The following ADAMTSL1 variants were observed in gnomAD, a reference collection of about 807,000 sequenced individuals.
The protein encoded by ADAMTSL1 is ADAMTS-like protein 1.
Under a neutral mutation model 201.8 loss-of-function variants are expected in ADAMTSL1, and 126 were observed. That is an observed-to-expected ratio of 0.62 (90% confidence interval 0.54 to 0.72). ADAMTSL1 has a LOEUF of 0.72. ADAMTSL1 is among the 30% of genes least tolerant of loss of function. The pLI is 0.00. For synonymous variants in ADAMTSL1, 1,121 were observed against 903.4 expected (o/e 1.24, Z -4.32); for missense variants, 2,679 against 2,277.8 (o/e 1.18, Z -3.59).
intron 26 of ADAMTSL1, among the ~76,000 whole-genome samples, chr9:18,903,797 T>C (rs527580098): frequency 1.3e-5 from 2 of 150,688 alleles, no homozygotes; most frequent in Non-Finnish European, 2.9e-5. Context: ...AACCCGCATA[T>C]ACAAAAAGTT....
intron 2 of ADAMTSL1, among the ~76,000 whole-genome samples, chr9:18,400,835 C>T (rs961092163): frequency 1.3e-5 from 2 of 152,164 alleles, no homozygotes; most frequent in Non-Finnish European, 2.9e-5. Context: ...CGTGCCATGA[C>T]ATTAGGTGAT....
Position 18,366,627 on chromosome 9 carries a change from ATTTTTTTTTTTTTT to A in ADAMTSL1, c.208-138175_208-138162del, listed in dbSNP as rs772034324. 8.3e-4 allele frequency among the ~76,000 whole-genome samples: 94 copies of A among 112,810 alleles called. 2 individuals are homozygous for A. The highest frequency in any genetic ancestry group is 2.9e-3 in the African/African-American group (85 of 29,078). 74.0% of individuals were successfully genotyped at this position (112,810 alleles called of 152,430 possible). The stretch of plus-strand genomic sequence containing the variant: ...ATGGATAGTGCCTCTGAAATCACTA[ATTTTTTTTTTTTTT>A]TTTTTTTTTTTTTTTTTTTTTTTTT... On this transcript the variant is annotated intron_variant, in intron 2 of 29. Coordinates refer to the ADAMTSL1 transcript ENST00000680146.
chr9:18,390,199 A>G (rs185761940), intron 2 of ADAMTSL1, among the ~76,000 whole-genome samples: 213 of 152,280 alleles, frequency 1.4e-3, no homozygotes, highest in African/African-American at 5.0e-3. Flanking sequence ...GGAGTTACTT[A>G]CGAGATTCGT....
chr9:18,236,450 C>T (rs373013928), intron 2 of ADAMTSL1, among the ~76,000 whole-genome samples: 9 of 152,306 alleles, frequency 5.9e-5, no homozygotes, highest in African/African-American at 9.6e-5. Context: ...TTCCGGGACC[C>T]AGTTGAGTAT....
At chr9:18,176,439 T>C (rs544494716) in intron 2 of ADAMTSL1, among the ~76,000 whole-genome samples, 1 of 152,214 alleles carries the variant, frequency 6.6e-6, no homozygotes, top group Admixed American at 6.5e-5. Flanking sequence ...ATAATTATAG[T>C]TATTGACTAT....
intron 18 of ADAMTSL1, 54 bp downstream of exon 18, chr9:18,775,950 T>G: frequency 1.3e-6 from 2 of 1,554,482 alleles, no homozygotes; most frequent in Non-Finnish European, 1.7e-6. Context: ...CAGCAGCAGC[T>G]ATAGCCACCA....
At chr9:18,481,578 T>C (rs1325868224) in intron 1 of ADAMTSL1, among the ~76,000 whole-genome samples, 1 of 152,122 alleles carries the variant, frequency 6.6e-6, no homozygotes, top group Non-Finnish European at 1.5e-5. Flanking sequence ...TTATTTTCAA[T>C]TTCCCCACAA....
rs193151479 is a variant in ADAMTSL1, at chr9:18,746,303, G to C, written c.2007-6995G>C. On this transcript the variant is annotated intron_variant, in intron 15 of 28. Transcript: ENST00000380548. ...GCATCCTGAAGGGAGATGCATCCTA[G>C]ACCCTGTACGTGCCCCTCCTTAGGC... is the stretch of plus-strand genomic sequence containing the variant. Among the ~76,000 whole-genome samples the C allele has an allele frequency of 1.1e-3, 162 of 152,306 alleles. 2 individuals are homozygous for C. Among genetic ancestry groups the C allele is most frequent in the Non-Finnish European group, 1.8e-4 (12 of 68,024 alleles).
intron 2 of ADAMTSL1, among the ~76,000 whole-genome samples, chr9:18,320,512 A>T (rs973764211): frequency 6.6e-6 from 1 of 152,242 alleles, no homozygotes; most frequent in Non-Finnish European, 1.5e-5. Context: ...ACAACTGCTA[A>T]AAGAGTTCTT....
In ADAMTSL1 at chr9:18,000,174, C is replaced by T. The variant is rs1403297717; in HGVS notation, c.87+93252C>T. ...TTCTAGTTCTAGATCCCTGAGGAAT[C>T]GCCACACTGACTTCCACAATGGTTG... On this transcript the variant is annotated intron_variant, in intron 1 of 29. Transcript: ENST00000680146. Among the ~76,000 whole-genome samples, 10 of 150,606 alleles carry T rather than the reference C, an allele frequency of 6.6e-5. No homozygotes were observed. In the East Asian group the frequency reaches 7.9e-4, roughly 12 times the overall value.
rs866180742 is a variant in ADAMTSL1, at chr9:18,316,221, C to T, written c.207+152240C>T. 3.9e-5 allele frequency among the ~76,000 whole-genome samples: 6 copies of T among 152,008 alleles called. No individual in the cohort carries two copies. The South Asian group carries it at 8.4e-4, about 21-fold the overall frequency. ...GGGCAAGATCACAGGACCACAGGACCGGGGCGAAATTAAAATTGCTAATGA... is the reference window on the plus strand; with the variant it reads ...GGGCAAGATCACAGGACCACAGGACTGGGGCGAAATTAAAATTGCTAATGA... On this transcript the variant is annotated intron_variant, in intron 2 of 29. Coordinates refer to the ADAMTSL1 transcript ENST00000680146.
At chr9:18,353,148 G>A (rs181768485) in intron 2 of ADAMTSL1, among the ~76,000 whole-genome samples, 28 of 152,302 alleles carry the variant, frequency 1.8e-4, no homozygotes, top group African/African-American at 6.7e-4. Flanking sequence ...CAGGGCACAA[G>A]GGAGGCCCTG....
intron 1 of ADAMTSL1, among the ~76,000 whole-genome samples, chr9:18,008,152 T>C (rs1206375479): frequency 2.0e-5 from 3 of 152,028 alleles, no homozygotes; most frequent in Non-Finnish European, 4.4e-5. Context: ...CCATTAGAGC[T>C]TCTCAATTTT....
intron 4 of ADAMTSL1, among the ~76,000 whole-genome samples, chr9:18,592,024 G>A (rs889519881): frequency 1.3e-5 from 2 of 152,128 alleles, no homozygotes; most frequent in African/African-American, 2.4e-5. Context: ...GAAAAATTGG[G>A]CCCTTTCTGT....
chr9:17,947,197 A>T (rs553527464), intron 1 of ADAMTSL1, among the ~76,000 whole-genome samples: 1 of 151,162 alleles, frequency 6.6e-6, no homozygotes, highest in African/African-American at 2.4e-5. Context: ...ACTTACATAT[A>T]TAAAGTAATT....
rs556212211 is a variant in ADAMTSL1, at chr9:18,037,775, A to C, written c.88-126087A>C. Among the ~76,000 whole-genome samples, 232 of 152,302 alleles carry C rather than the reference A, an allele frequency of 1.5e-3. No homozygotes were observed. In the South Asian group the frequency reaches 0.016, roughly 11 times the overall value. On this transcript the variant is annotated intron_variant, in intron 1 of 29. Coordinates refer to the ADAMTSL1 transcript ENST00000680146. ...TAACTTCTTACGTGAGTGAAGTAAA[A>C]TTGTTCCATATAAGAGAAATGCATC... is the stretch of plus-strand genomic sequence containing the variant.
In ADAMTSL1 at chr9:17,929,292, T is replaced by C. The variant is rs191484897; in HGVS notation, c.87+22370T>C. ...TTTCGTTATCACCTCCCAAAAAAGC[T>C]TTTTTAGACATTTTATCCTAATCCA... On this transcript the variant is annotated intron_variant, in intron 1 of 29. Transcript: ENST00000680146. 4.8e-3 allele frequency among the ~76,000 whole-genome samples: 724 copies of C among 152,148 alleles called. 5 individuals carry two copies. The highest frequency in any genetic ancestry group is 0.017 in the African/African-American group (691 of 41,506).
At chr9:18,862,807 G>T (rs1827291395) in intron 23 of ADAMTSL1, among the ~76,000 whole-genome samples, 1 of 152,152 alleles carries the variant, frequency 6.6e-6, no homozygotes, top group African/African-American at 2.4e-5. Flanking sequence ...TGCAGGCCAG[G>T]TGGCACCTGC....
intron 1 of ADAMTSL1, among the ~76,000 whole-genome samples, chr9:18,025,738 C>CT (rs1489456671): frequency 1.3e-5 from 2 of 151,704 alleles, no homozygotes; most frequent in Non-Finnish European, 2.9e-5. Context: ...TTTTGGGTCT[C>CT]TTTTTTTGGT....
Sources: allele counts gnomAD v4.1 joint callset (sites outside exome capture counted in the v4.1 genomes callset), GRCh38; gene constraint gnomAD v4.1.1; transcripts MANE v1.5; gene names NCBI Gene and HGNC (gene_info 2026-07-23, HGNC 2026-07-21).